The following CALN1 variants were observed in gnomAD, a reference collection of about 807,000 sequenced individuals.
The protein encoded by CALN1 is calcium-binding protein 8.
In CALN1, 17 loss-of-function variants were observed where a neutral mutation model predicts 30.6. The ratio of observed to expected loss-of-function variants is 0.56; its 90% confidence interval spans 0.38 to 0.83. The LOEUF is 0.83. Ranked by LOEUF, CALN1 falls within the 40% of genes least tolerant of loss-of-function variation. The pLI, the probability that CALN1 is intolerant of heterozygous loss-of-function variation, is 0.00. For missense variants in CALN1, 291 were observed against 354.9 expected (o/e 0.82, Z 1.45); for synonymous variants, 156 against 131.4 (o/e 1.19, Z -1.28).
chr7:72,368,658 G>C (rs1447899118), intron 2 of CALN1, among the ~76,000 whole-genome samples: 1 of 152,090 alleles, frequency 6.6e-6, no homozygotes, highest in Non-Finnish European at 1.5e-5. Flanking sequence ...ATCTGAAAGT[G>C]ATTGATACGC....
chr7:72,416,384 C>G (rs547106925), upstream of CALN1, among the ~76,000 whole-genome samples: 1 of 152,330 alleles, frequency 6.6e-6, no homozygotes, highest in South Asian at 2.1e-4. Context: ...ATGCTGCTAC[C>G]TCAATAAAGC....
chr7:72,156,535 G>C (rs1050692445), intron 3 of CALN1, among the ~76,000 whole-genome samples: 6 of 152,076 alleles, frequency 3.9e-5, no homozygotes, highest in African/African-American at 1.4e-4. Flanking sequence ...CTCCATCACT[G>C]CCTCTGTGCC....
At chr7:72,377,933 A>G (rs1302880885) in intron 2 of CALN1, among the ~76,000 whole-genome samples, 1 of 152,100 alleles carries the variant, frequency 6.6e-6, no homozygotes, top group Non-Finnish European at 1.5e-5. Context: ...CTAAATTCCC[A>G]GGAATATATT....
intron 5 of CALN1, among the ~76,000 whole-genome samples, chr7:71,873,341 G>T (rs746986071): frequency 3.3e-5 from 5 of 152,034 alleles, no homozygotes; most frequent in Non-Finnish European, 5.9e-5. Context: ...TTCATGGTCT[G>T]TTCAGAGAGA....
chr7:72,336,662 G>A (rs1283370206), intron 2 of CALN1: 23 of 959,878 alleles, frequency 2.4e-5, no homozygotes, highest in Admixed American at 1.9e-4. Context: ...AGAAAAGAGA[G>A]CGCGCGCGCG....
At chr7:71,971,056 T>C (rs2129526290) in intron 5 of CALN1, among the ~76,000 whole-genome samples, 1 of 152,236 alleles carries the variant, frequency 6.6e-6, no homozygotes, top group Middle Eastern at 3.4e-3. Context: ...AATACTGCAA[T>C]ATGACTGAGA....
rs576992618 is a variant in CALN1 at position 72,181,118 on chromosome 7, A to C, written c.245-74824T>G. ...ATAACCCCCCCCCCCCCCAAAAAAA[A>C]AAAAAATTTTTGGTACCCTATAAGC... On this transcript the variant is annotated intron_variant, in intron 3 of 6. Transcript: ENST00000395275. 6.3e-4 allele frequency among the ~76,000 whole-genome samples: 85 copies of C among 133,978 alleles called. 2 individuals are homozygous for C. The highest frequency in any genetic ancestry group is 2.2e-3 in the African/African-American group (75 of 34,412). The allele number at this position is 133,978 out of a possible 152,430, so 87.9% of individuals were successfully genotyped here.
chr7:72,217,775 C>T (rs943904897), intron 3 of CALN1, among the ~76,000 whole-genome samples: 3 of 149,122 alleles, frequency 2.0e-5, no homozygotes, highest in African/African-American at 7.4e-5. Context: ...GCCAGAAGTT[C>T]GAGATCAGCT....
At chr7:71,995,530 C>T (rs765915621) in intron 5 of CALN1, among the ~76,000 whole-genome samples, 10 of 152,064 alleles carry the variant, frequency 6.6e-5, no homozygotes, top group Non-Finnish European at 1.5e-4. Flanking sequence ...AACACAAGGC[C>T]GGCTGCCGTG....
chr7:72,218,502 A>C (rs965378240), intron 3 of CALN1, among the ~76,000 whole-genome samples: 1 of 152,124 alleles, frequency 6.6e-6, no homozygotes, highest in African/African-American at 2.4e-5. Flanking sequence ...GCAACAATGA[A>C]GTGCCCAGCT....
the CALN1 span, among the ~76,000 whole-genome samples, chr7:72,456,149 A>T: frequency 6.7e-6 from 1 of 150,078 alleles, no homozygotes; most frequent in East Asian, 2.0e-4. Context: ...GTGCCACTGC[A>T]CTCCAGTCTG....
At chr7:72,487,691 AAAGAAAG>A in the CALN1 span, among the ~76,000 whole-genome samples, 1 of 117,900 alleles carries the variant, frequency 8.5e-6, no homozygotes. Context: ...GAAAGGAAAG[AAAGAAAG>A]AAAGAAAAGA....
chr7:72,408,562 C>T (rs920856464), intron 1 of CALN1, among the ~76,000 whole-genome samples: 2 of 151,536 alleles, frequency 1.3e-5, no homozygotes, highest in Non-Finnish European at 2.9e-5. Flanking sequence ...CCCTGGTCAT[C>T]ATGGATAATT....
At chr7:72,218,548 T>C (rs530838374) in intron 3 of CALN1, among the ~76,000 whole-genome samples, 1 of 152,242 alleles carries the variant, frequency 6.6e-6, no homozygotes, top group South Asian at 2.1e-4. Context: ...GCTTTTTCTG[T>C]TGTGTGGGGT....
chr7:72,469,804 A>G, the CALN1 span, among the ~76,000 whole-genome samples: 1 of 152,050 alleles, frequency 6.6e-6, no homozygotes, highest in Non-Finnish European at 1.5e-5. Context: ...TTGTGAAATC[A>G]TTTTTTTCAC....
At chr7:71,857,060 T>G (rs1791002976) in intron 5 of CALN1, among the ~76,000 whole-genome samples, 1 of 113,998 alleles carries the variant, frequency 8.8e-6, no homozygotes, top group Admixed American at 8.9e-5. Context: ...GTGTGTGTGT[T>G]GCAAACTAAA....
intron 3 of CALN1, among the ~76,000 whole-genome samples, chr7:72,174,595 T>C (rs1789201385): frequency 6.6e-6 from 1 of 152,058 alleles, no homozygotes; most frequent in Non-Finnish European, 1.5e-5. Flanking sequence ...TACAGATACA[T>C]AACAACACAG....
intron 3 of CALN1, among the ~76,000 whole-genome samples, chr7:72,107,790 A>C (rs1278442787): frequency 6.6e-6 from 1 of 152,212 alleles, no homozygotes. Flanking sequence ...CGTGAGAAGC[A>C]CAGTATTAAT....
chr7:72,444,068 G>A (rs1184177941), intron 1 of CALN1, among the ~76,000 whole-genome samples: 2 of 151,486 alleles, frequency 1.3e-5, no homozygotes, highest in African/African-American at 2.4e-5. Context: ...GGTACTAAGT[G>A]TCTCCACACA....
Sources: gnomAD v4.1 joint callset for allele counts (sites outside exome capture counted in the v4.1 genomes callset) on GRCh38, gnomAD v4.1.1 for gene constraint, MANE v1.5 for transcripts, NCBI Gene and HGNC (gene_info 2026-07-23, HGNC 2026-07-21) for gene names.